The following DGAT2L6 variants were observed in gnomAD, a reference collection of about 807,000 sequenced individuals.
DGAT2L6 encodes the protein diacylglycerol O-acyltransferase 2-like protein 6.
A neutral mutation model predicts 25.5 loss-of-function variants in DGAT2L6; 22 were observed. That is an observed-to-expected ratio of 0.86 (90% CI 0.62 to 1.23). The LOEUF (loss-of-function observed/expected upper bound fraction) is 1.23, where lower values mean the gene tolerates loss of function less well. Ranked by LOEUF, DGAT2L6 falls within the 50% of genes most tolerant of loss-of-function variation. The probability of loss-of-function intolerance (pLI) is 0.00; values close to 1 mark genes in which losing one functional copy is unlikely to be tolerated. For synonymous variants in DGAT2L6, 100 were observed against 94.7 expected (o/e 1.06, Z -0.32); for missense variants, 287 against 253.2 (o/e 1.13, Z -0.91).
chrX:70,197,511 G>A (rs1179847516), intron 1 of DGAT2L6, among the ~76,000 whole-genome samples: 1 of 111,867 alleles, frequency 8.9e-6, no homozygotes, highest in Non-Finnish European at 1.9e-5. Flanking sequence ...CAACTAATCC[G>A]TCTATGCTTT....
chrX:70,180,319 C>T (rs951857566), intron 1 of DGAT2L6, among the ~76,000 whole-genome samples: 5 of 110,273 alleles, frequency 4.5e-5, no homozygotes, highest in Admixed American at 1.9e-4. Flanking sequence ...TGTGGTGGCG[C>T]GTGCCTGTAG....
At chrX:70,192,702 T>C (rs2085378942) in intron 1 of DGAT2L6, among the ~76,000 whole-genome samples, 1 of 110,344 alleles carries the variant, frequency 9.1e-6, no homozygotes, top group South Asian at 3.8e-4. Context: ...AAAAAAGGAA[T>C]GTCACAAATC....
Position 70,202,143 on chromosome X carries a change from T to G in DGAT2L6, c.647+79T>G, listed in dbSNP as rs1602695050. The G allele has an allele frequency of 4.6e-5, 42 of 904,221 alleles. No homozygotes were observed. The East Asian group carries it at 1.7e-3, about 36-fold the overall frequency. 74.5% of individuals were successfully genotyped at this position (904,221 alleles called of 1,213,427 possible). ...GCCCTCTCCAGAATGGTGCCCTCCC[T>G]GGGCACCTGTTAGAGGGCCCCCATC... On this transcript the variant is annotated intron_variant, in intron 5 of 6. Transcript: ENST00000333026.
At chrX:70,203,958 G>C (rs763900348) in intron 5 of DGAT2L6, among the ~76,000 whole-genome samples, 10 of 110,938 alleles carry the variant, frequency 9.0e-5, no homozygotes, top group Non-Finnish European at 1.7e-4. Flanking sequence ...AGAGCAAAAA[G>C]GCCGTAAGGA....
chrX:70,184,466 C>CT (rs34580642), intron 1 of DGAT2L6, among the ~76,000 whole-genome samples: 1,831 of 107,325 alleles, frequency 0.017, 24 homozygotes, highest in Non-Finnish European at 0.029. Context: ...TATTTTCTTT[C>CT]TTTTTTTTTG....
At chrX:70,178,380 CA>C in intron 1 of DGAT2L6, among the ~76,000 whole-genome samples, 1 of 111,055 alleles carries the variant, frequency 9.0e-6, no homozygotes, top group South Asian at 3.9e-4. Flanking sequence ...TCTGTGGACT[CA>C]CAGCACAGAA....
intron 1 of DGAT2L6, among the ~76,000 whole-genome samples, chrX:70,182,814 C>T (rs182060138): frequency 0.012 from 1,301 of 111,734 alleles, 24 homozygotes; most frequent in African/African-American, 0.039. Flanking sequence ...CCACGATGCC[C>T]GGCTAAGTTT....
At chrX:70,202,944 A>C (rs2085415912) in intron 5 of DGAT2L6, among the ~76,000 whole-genome samples, 1 of 109,217 alleles carries the variant, frequency 9.2e-6, no homozygotes, top group Non-Finnish European at 1.9e-5. Context: ...TTCTCTTCCC[A>C]CTCTCTCACT....
intron 2 of DGAT2L6, among the ~76,000 whole-genome samples, 200 bp from the exon 3 acceptor site, chrX:70,199,612 C>T (rs761570262): frequency 9.0e-6 from 1 of 111,694 alleles, no homozygotes; most frequent in African/African-American, 3.3e-5. Flanking sequence ...ATTTTCCTGT[C>T]ACCTTTCTGG....
chrX:70,199,744 C>A, intron 2 of DGAT2L6, 68 bp from the exon 3 acceptor site: 1 of 1,080,664 alleles, frequency 9.3e-7, no homozygotes, highest in Non-Finnish European at 1.3e-6. Flanking sequence ...GCAGAACTCT[C>A]CTCCTCTGGG....
chrX:70,198,837 T>C (rs1222124476), intron 1 of DGAT2L6, among the ~76,000 whole-genome samples: 1 of 111,952 alleles, frequency 8.9e-6, no homozygotes, highest in Non-Finnish European at 1.9e-5. Context: ...CTTTTCAGCA[T>C]CAAACAGCCT....
chrX:70,196,527 AAAAG>A (rs1338047009), intron 1 of DGAT2L6, among the ~76,000 whole-genome samples: 2 of 108,888 alleles, frequency 1.8e-5, no homozygotes, highest in African/African-American at 3.3e-5. Context: ...AAAAAAAGAA[AAAAG>A]AAAGAAAGAA....
intron 4 of DGAT2L6, among the ~76,000 whole-genome samples, chrX:70,201,010 T>C (rs775664565): frequency 8.9e-6 from 1 of 112,107 alleles, no homozygotes; most frequent in Admixed American, 9.4e-5. Flanking sequence ...TTCATCAGAG[T>C]ATCCAGAACA....
In DGAT2L6 at chrX:70,199,321, TG is replaced by T; in HGVS notation, c.138del (p.Trp46CysfsTer8). On this transcript the variant is annotated frameshift_variant, in exon 2 of 7. Coordinates refer to ENST00000333026, the MANE Select transcript of DGAT2L6 (RefSeq NM_198512.3). LOFTEE classifies it high-confidence loss of function. ...CTACTTTCTGTTATTCAGTAAGTTC[TG>T]GCCCTTGGCTGTGCTCTCCTTAGCC... The part of the protein sequence containing the change: ...IPYFLLFSKF[W>X]PLAVLSLAWL... 1 of 1,196,225 alleles carries T rather than the reference TG, an allele frequency of 8.4e-7. No individual in the cohort carries two copies. The highest frequency in any genetic ancestry group is 1.1e-6 in the Non-Finnish European group (1 of 886,829).
chrX:70,198,776 G>A (rs995862083), intron 1 of DGAT2L6, among the ~76,000 whole-genome samples: 2 of 111,568 alleles, frequency 1.8e-5, no homozygotes, highest in African/African-American at 6.5e-5. Context: ...CTGACCTCGT[G>A]ATCTGCCTGC....
At chrX:70,200,043 C>T (rs2085404495) in intron 3 of DGAT2L6, among the ~76,000 whole-genome samples, 161 bp downstream of exon 3, 1 of 111,207 alleles carries the variant, frequency 9.0e-6, no homozygotes, top group Non-Finnish European at 1.9e-5. Flanking sequence ...GGTGGGGAAA[C>T]AGGTGGATGG....
chrX:70,184,914 GC>G (rs765481898), intron 1 of DGAT2L6, among the ~76,000 whole-genome samples: 5 of 111,217 alleles, frequency 4.5e-5, no homozygotes, highest in African/African-American at 1.6e-4. Flanking sequence ...TGAAATAGTA[GC>G]CTATTTCAGG....
intron 1 of DGAT2L6, among the ~76,000 whole-genome samples, chrX:70,185,879 T>G (rs12851599): frequency 4.7e-5 from 3 of 63,347 alleles, no homozygotes; most frequent in Admixed American, 1.4e-4. Flanking sequence ...TGTTTTTTTG[T>G]TTTTTTTTTT....
intron 5 of DGAT2L6, 97 bp from the exon 6 acceptor site, chrX:70,204,208 T>C: frequency 1.5e-6 from 1 of 682,384 alleles, no homozygotes; most frequent in Non-Finnish European, 2.2e-6. Flanking sequence ...TGGGTTCTTG[T>C]CCTATAATGG....
Sources: gnomAD v4.1 joint callset for allele counts (sites outside exome capture counted in the v4.1 genomes callset) on GRCh38, gnomAD v4.1.1 for gene constraint, MANE v1.5 for transcripts, NCBI Gene and HGNC (gene_info 2026-07-23, HGNC 2026-07-21) for gene names.